Variants in THSD7B observed in about 807,000 individuals in gnomAD.
THSD7B encodes the protein thrombospondin type-1 domain-containing protein 7B.
THSD7B carries 138 observed loss-of-function variants against 213.6 expected under a neutral mutation model. That is an observed-to-expected ratio of 0.65 (90% confidence interval 0.56 to 0.74). The LOEUF (loss-of-function observed/expected upper bound fraction) is 0.74, where lower values mean the gene tolerates loss of function less well. THSD7B is among the 30% of genes least tolerant of loss of function. The pLI is 0.00. For missense variants in THSD7B, 1,931 were observed against 1,991.5 expected (o/e 0.97, Z 0.58); for synonymous variants, 742 against 687.0 (o/e 1.08, Z -1.25).
intron 17 of THSD7B, among the ~76,000 whole-genome samples, chr2:137,592,655 G>A (rs1172634815): frequency 6.6e-6 from 1 of 151,560 alleles, no homozygotes; most frequent in Non-Finnish European, 1.5e-5. Context: ...TATGGTTTAG[G>A]GTTTTACATG....
chr2:137,017,757 G>C (rs751920889), intron 2 of THSD7B, among the ~76,000 whole-genome samples: 3 of 152,124 alleles, frequency 2.0e-5, no homozygotes, highest in Non-Finnish European at 4.4e-5. Context: ...GATGCTTTGT[G>C]GCTTTTTCAA....
intron 1 of THSD7B, among the ~76,000 whole-genome samples, chr2:136,804,067 C>A (rs1280352534): frequency 6.6e-6 from 1 of 152,138 alleles, no homozygotes; most frequent in Non-Finnish European, 1.5e-5. Context: ...TCTGGCATCT[C>A]TTAGTCCAGT....
intron 2 of THSD7B, among the ~76,000 whole-genome samples, chr2:136,973,521 T>C (rs1032586871): frequency 1.3e-5 from 2 of 152,206 alleles, no homozygotes; most frequent in Non-Finnish European, 2.9e-5. Context: ...GCAAAATGGA[T>C]CATTTTCAAA....
At chr2:137,199,785 T>C (rs913839239) in intron 7 of THSD7B, among the ~76,000 whole-genome samples, 2 of 152,210 alleles carry the variant, frequency 1.3e-5, no homozygotes, top group African/African-American at 2.4e-5. Flanking sequence ...AAGAGAAATA[T>C]GCAAATATGA....
chr2:137,599,149 T>C (rs537682422), intron 17 of THSD7B, among the ~76,000 whole-genome samples: 1 of 151,068 alleles, frequency 6.6e-6, no homozygotes, highest in African/African-American at 2.4e-5. Context: ...TTTTTTTTTC[T>C]TGCGATAGTT....
chr2:137,033,247 G>C (rs1686708501), intron 2 of THSD7B, among the ~76,000 whole-genome samples: 1 of 152,224 alleles, frequency 6.6e-6, no homozygotes, highest in African/African-American at 2.4e-5. Context: ...TTTCTAGTCA[G>C]TTAAAGAGTC....
chr2:136,955,950 G>A (rs999240952), intron 2 of THSD7B, among the ~76,000 whole-genome samples: 17 of 150,422 alleles, frequency 1.1e-4, no homozygotes, highest in Middle Eastern at 3.4e-3. Context: ...GAGCCACCAC[G>A]CCCGGGAGGC....
intron 15 of THSD7B, among the ~76,000 whole-genome samples, chr2:137,455,374 A>G (rs1163585516): frequency 2.0e-5 from 3 of 152,172 alleles, no homozygotes; most frequent in African/African-American, 4.8e-5. Context: ...TCATTGCCCA[A>G]AAAGTCTTTA....
chr2:137,005,954 A>G (rs1268843029), intron 2 of THSD7B, among the ~76,000 whole-genome samples: 1 of 152,182 alleles, frequency 6.6e-6, no homozygotes, highest in Non-Finnish European at 1.5e-5. Context: ...AATTATGTTT[A>G]TTATATCTTT....
intron 5 of THSD7B, among the ~76,000 whole-genome samples, chr2:137,117,042 C>T (rs967116147): frequency 3.3e-5 from 5 of 152,114 alleles, no homozygotes; most frequent in African/African-American, 9.7e-5. Context: ...ATGTGTAACA[C>T]GACTGTATAC....
chr2:137,374,048 A>G (rs1685595341), intron 12 of THSD7B, among the ~76,000 whole-genome samples: 1 of 150,714 alleles, frequency 6.6e-6, no homozygotes, highest in Admixed American at 6.6e-5. Context: ...GTTCTGTTCC[A>G]TTGATCTATA....
At chr2:136,841,470 A>C (rs778194) in intron 1 of THSD7B, among the ~76,000 whole-genome samples, 68,036 of 150,708 alleles carry the variant, frequency 0.45, 15,514 homozygotes, top group Middle Eastern at 0.52. Flanking sequence ...GGTGGTGTGC[A>C]CCTACAGTCC....
chr2:137,391,203 A>G (rs927604757), intron 12 of THSD7B, among the ~76,000 whole-genome samples: 1 of 152,140 alleles, frequency 6.6e-6, no homozygotes, highest in African/African-American at 2.4e-5. Context: ...TGTATGTTTC[A>G]GGAATTAATC....
chr2:137,407,440 T>TA (rs1038992417), intron 13 of THSD7B, among the ~76,000 whole-genome samples: 3 of 152,036 alleles, frequency 2.0e-5, no homozygotes, highest in South Asian at 2.1e-4. Flanking sequence ...TGAGTTTTTT[T>TA]AAAAAAAATA....
intron 2 of THSD7B, among the ~76,000 whole-genome samples, chr2:136,911,933 A>AGATG (rs1684265926): frequency 6.6e-6 from 1 of 152,306 alleles, no homozygotes; most frequent in African/African-American, 2.4e-5. Context: ...ATAAATGGAT[A>AGATG]GATGGATGGA....
chr2:137,660,367 T>C (rs1339290315), intron 25 of THSD7B, among the ~76,000 whole-genome samples: 1 of 150,702 alleles, frequency 6.6e-6, no homozygotes, highest in Non-Finnish European at 1.5e-5. Context: ...TTAAAAACTA[T>C]ACTACATTTT....
intron 2 of THSD7B, among the ~76,000 whole-genome samples, chr2:137,054,179 G>C (rs62171228): frequency 0.087 from 13,207 of 152,210 alleles, 705 homozygotes; most frequent in East Asian, 0.17. Flanking sequence ...CGTTTTCAAC[G>C]CGTGTTCTCT....
chr2:137,094,225 A>G (rs893552672), intron 3 of THSD7B, among the ~76,000 whole-genome samples: 5 of 152,202 alleles, frequency 3.3e-5, no homozygotes, highest in African/African-American at 1.2e-4. Flanking sequence ...CAGTTGTGAC[A>G]CCTGAAAACC....
chr2:137,163,830 T>A (rs923301316), intron 6 of THSD7B, among the ~76,000 whole-genome samples: 4 of 152,138 alleles, frequency 2.6e-5, no homozygotes, highest in African/African-American at 9.7e-5. Flanking sequence ...TGTCAAGAAG[T>A]AAGGTAATTT....
Sources: allele counts gnomAD v4.1 joint callset (sites outside exome capture counted in the v4.1 genomes callset), GRCh38; gene constraint gnomAD v4.1.1; transcripts MANE v1.5; gene names NCBI Gene and HGNC (gene_info 2026-07-23, HGNC 2026-07-21).